Variants in BMP5 observed in about 807,000 individuals in gnomAD.
The protein encoded by BMP5 is bone morphogenetic protein 5.
A neutral mutation model predicts 46.6 loss-of-function variants in BMP5; 23 were observed. That is an observed-to-expected ratio of 0.49 (90% CI 0.35 to 0.70). The LOEUF is 0.70. BMP5 is among the 30% of genes least tolerant of loss of function. BMP5 has a pLI of 0.00. For synonymous variants in BMP5, 204 were observed against 191.9 expected (o/e 1.06, Z -0.52); for missense variants, 545 against 565.6 (o/e 0.96, Z 0.37).
chr6:55,770,770 G>C (rs1775029535), intron 4 of BMP5, among the ~76,000 whole-genome samples: 1 of 151,784 alleles, frequency 6.6e-6, no homozygotes, highest in African/African-American at 2.4e-5. Context: ...CCATTGTCGG[G>C]TACTAACTGA....
chr6:55,787,852 T>A (rs1401361876), intron 3 of BMP5, among the ~76,000 whole-genome samples: 2 of 151,690 alleles, frequency 1.3e-5, no homozygotes, highest in Non-Finnish European at 3.0e-5. Flanking sequence ...AGAAAATCTC[T>A]GATTTTCTAA....
chr6:55,839,147 C>T (rs1776891805), intron 1 of BMP5, among the ~76,000 whole-genome samples: 1 of 152,004 alleles, frequency 6.6e-6, no homozygotes, highest in African/African-American at 2.4e-5. Context: ...ACCTAGATTG[C>T]ATAAGTCTAT....
chr6:55,784,837 TA>T (rs1299254179), intron 3 of BMP5, among the ~76,000 whole-genome samples: 5 of 151,900 alleles, frequency 3.3e-5, no homozygotes, highest in Admixed American at 3.3e-4. Context: ...ACAATACAAT[TA>T]TTTTTCAGTT....
At chr6:55,860,763 T>C (rs1777512080) in intron 1 of BMP5, among the ~76,000 whole-genome samples, 2 of 152,338 alleles carry the variant, frequency 1.3e-5, no homozygotes. Context: ...TAATTCATTG[T>C]TTGGTTCCCT....
At chr6:55,846,893 A>G (rs961072062) in intron 1 of BMP5, among the ~76,000 whole-genome samples, 3 of 151,134 alleles carry the variant, frequency 2.0e-5, no homozygotes, top group Admixed American at 6.6e-5. Flanking sequence ...TTTTATAATC[A>G]TATGTAGGTA....
intron 2 of BMP5, among the ~76,000 whole-genome samples, chr6:55,796,946 T>G (rs1775729274): frequency 6.6e-6 from 1 of 152,136 alleles, no homozygotes; most frequent in African/African-American, 2.4e-5. Flanking sequence ...GTTATGAAAG[T>G]TTAATTGATT....
At chr6:55,806,916 T>C (rs1776004157) in intron 2 of BMP5, among the ~76,000 whole-genome samples, 1 of 152,180 alleles carries the variant, frequency 6.6e-6, no homozygotes, top group Non-Finnish European at 1.5e-5. Flanking sequence ...TGCACATTGA[T>C]TTTGTATCCT....
intron 1 of BMP5, among the ~76,000 whole-genome samples, chr6:55,869,171 C>CTA (rs1777720165): frequency 1.3e-5 from 2 of 152,146 alleles, no homozygotes; most frequent in Non-Finnish European, 2.9e-5. Context: ...TACACACATA[C>CTA]TGAGACAACC....
At chr6:55,835,298 G>A (rs927318717) in intron 1 of BMP5, among the ~76,000 whole-genome samples, 2 of 152,036 alleles carry the variant, frequency 1.3e-5, no homozygotes. Context: ...GAAAACTCAA[G>A]ATTGGATCAA....
At chr6:55,824,960 A>G (rs1776495057) in intron 1 of BMP5, among the ~76,000 whole-genome samples, 1 of 151,880 alleles carries the variant, frequency 6.6e-6, no homozygotes, top group Admixed American at 6.6e-5. Context: ...AAAAAAGGAA[A>G]CTTTACAATG....
intron 1 of BMP5, among the ~76,000 whole-genome samples, chr6:55,854,281 T>C (rs995333705): frequency 6.6e-6 from 1 of 152,110 alleles, no homozygotes; most frequent in Non-Finnish European, 1.5e-5. Flanking sequence ...AAACAAAATA[T>C]ATAAAGATCA....
At chr6:55,757,383 T>C (rs1774635058) in intron 6 of BMP5, among the ~76,000 whole-genome samples, 4 of 151,938 alleles carry the variant, frequency 2.6e-5, no homozygotes. Flanking sequence ...TCTATGACCT[T>C]ACAGAAAGAC....
At position 55,813,070 on chromosome 6, in the gene BMP5, G is replaced by A. The variant is rs1022396812; in HGVS notation, c.683+6585C>T. On this transcript the variant is annotated intron_variant, in intron 2 of 6. Transcript: ENST00000370830. ...GATACTATTTATCTTCATTTCCTAT[G>A]AGAAAAAAATACCTTCCATGGCTTA... Among the ~76,000 whole-genome samples, 30 of 152,048 alleles carry A rather than the reference G, an allele frequency of 2.0e-4. 1 individual carries two copies. The East Asian group carries it at 2.5e-3, about 13-fold the overall frequency.
chr6:55,853,147 TAAAATAAAATAAAATA>T (rs1391437434), intron 1 of BMP5, among the ~76,000 whole-genome samples: 1 of 13,114 alleles, frequency 7.6e-5, no homozygotes, highest in Non-Finnish European at 1.2e-4. Flanking sequence ...ATAAATAAAA[TAAAATAAAATAAAATA>T]AAATAAAATA....
chr6:55,759,007 G>C lies in BMP5; in HGVS notation c.1213C>G (p.Leu405Val). The change falls in exon 6 of 7, where the codon CTG becomes GTG. Residue 405 changes from leucine to valine, a missense_variant and splice_region_variant. Transcript: ENST00000370830. ...NATNHAIVQT[L>V]VHLMFPDHVP... ...AATCCTTCAAAAACAAAGCTTACCAGAGTCTGAACTATAGCGTGGTTGGTG... is the reference window on the plus strand; with the variant it reads ...AATCCTTCAAAAACAAAGCTTACCACAGTCTGAACTATAGCGTGGTTGGTG... The C allele has an allele frequency of 6.3e-7, 1 of 1,589,522 alleles. No homozygotes were observed. The highest frequency in any genetic ancestry group is 8.6e-7 in the Non-Finnish European group (1 of 1,158,520).
chr6:55,826,059 T>G (rs1382468321), intron 1 of BMP5, among the ~76,000 whole-genome samples: 1 of 151,874 alleles, frequency 6.6e-6, no homozygotes, highest in East Asian at 1.9e-4. Flanking sequence ...CTTCGCTAAC[T>G]AGTCCACCAA....
chr6:55,866,265 G>A (rs1479481312), intron 1 of BMP5, among the ~76,000 whole-genome samples: 2 of 152,110 alleles, frequency 1.3e-5, no homozygotes, highest in African/African-American at 2.4e-5. Flanking sequence ...AGTGGCTCTG[G>A]CCTCAAGGTT....
At chr6:55,759,333 T>C (rs1774709149) in intron 5 of BMP5, among the ~76,000 whole-genome samples, 2 of 151,676 alleles carry the variant, frequency 1.3e-5, no homozygotes, top group Admixed American at 6.6e-5. Context: ...AAGCTGAAGT[T>C]TAGGACAAAA....
chr6:55,755,714 G>C (rs1214005339), intron 6 of BMP5, 32 bp from the exon 7 acceptor site: 2 of 1,586,398 alleles, frequency 1.3e-6, no homozygotes, highest in South Asian at 2.2e-5. Context: ...GTTTTATTAA[G>C]AAATAAAATA....
Sources: allele counts gnomAD v4.1 joint callset (sites outside exome capture counted in the v4.1 genomes callset), GRCh38; gene constraint gnomAD v4.1.1; transcripts MANE v1.5; gene names NCBI Gene and HGNC (gene_info 2026-07-23, HGNC 2026-07-21).